The following RPN2 variants were observed in gnomAD, a reference collection of about 807,000 sequenced individuals.
RPN2 encodes the protein dolichyl-diphosphooligosaccharide--protein glycosyltransferase subunit 2.
A neutral mutation model predicts 71.4 loss-of-function variants in RPN2; 29 were observed. That is an observed-to-expected ratio of 0.41 (90% CI 0.30 to 0.55). The LOEUF (loss-of-function observed/expected upper bound fraction) is 0.55. Ranked by LOEUF, RPN2 falls within the 20% of genes least tolerant of loss-of-function variation. The probability of loss-of-function intolerance (pLI) is 0.35; values close to 1 mark genes in which losing one functional copy is unlikely to be tolerated. For synonymous variants in RPN2, 308 were observed against 305.0 expected (o/e 1.01, Z -0.10); for missense variants, 726 against 774.1 (o/e 0.94, Z 0.74).
intron 4 of RPN2, chr20:37,200,471 A>G (rs1381548550): frequency 1.9e-6 from 1 of 533,128 alleles, no homozygotes; most frequent in Admixed American, 1.9e-5. Context: ...CCGTTCTGGA[A>G]TCCCGTTCGT....
chr20:37,181,681 A>C (rs1360489990), intron 1 of RPN2, among the ~76,000 whole-genome samples: 9 of 152,086 alleles, frequency 5.9e-5, no homozygotes, highest in Admixed American at 5.9e-4. Flanking sequence ...GGCCTCCCAA[A>C]GTGCTGGGGT....
intron 4 of RPN2, among the ~76,000 whole-genome samples, chr20:37,201,281 CT>C (rs373838278): frequency 7.2e-4 from 76 of 105,092 alleles, no homozygotes; most frequent in Admixed American, 8.1e-4. Flanking sequence ...AGGTCATAAG[CT>C]TTTTTTTTTT....
At chr20:37,228,292 A>G (rs2068132034) in intron 11 of RPN2, among the ~76,000 whole-genome samples, 1 of 152,230 alleles carries the variant, frequency 6.6e-6, no homozygotes, top group Non-Finnish European at 1.5e-5. Context: ...CAAACTGGGC[A>G]GTCAGCCTCC....
chr20:37,189,829 T>C (rs543128063), intron 2 of RPN2, among the ~76,000 whole-genome samples: 27 of 152,214 alleles, frequency 1.8e-4, no homozygotes, highest in East Asian at 1.9e-4. Flanking sequence ...CGTTCTTACA[T>C]TGAAAAGGTT....
chr20:37,238,800 A>G (rs1402231039), intron 16 of RPN2: 2 of 559,214 alleles, frequency 3.6e-6, no homozygotes, highest in East Asian at 9.2e-5. Flanking sequence ...GGATAAGACA[A>G]ATCCAAAATT....
chr20:37,232,196 C>G (rs2068266068), intron 13 of RPN2, 100 bp from the exon 14 acceptor site: 1 of 1,450,648 alleles, frequency 6.9e-7, no homozygotes, highest in Non-Finnish European at 9.7e-7. Context: ...GGCGGCATAT[C>G]CTCTTCATGA....
At chr20:37,224,137 G>T (rs544880323) in intron 10 of RPN2, among the ~76,000 whole-genome samples, 168 bp downstream of exon 10, 2 of 152,298 alleles carry the variant, frequency 1.3e-5, no homozygotes, top group South Asian at 4.1e-4. Flanking sequence ...GGGATTCTGC[G>T]AATTATCTAA....
At chr20:37,206,731 CAG>C (rs1432980125) in intron 6 of RPN2, among the ~76,000 whole-genome samples, 10 of 151,858 alleles carry the variant, frequency 6.6e-5, no homozygotes, top group Admixed American at 1.3e-4. Flanking sequence ...TTTTTTCAGA[CAG>C]AGTCTTTCTC....
At chr20:37,211,917 C>T (rs1302454199) in intron 8 of RPN2, among the ~76,000 whole-genome samples, 1 of 151,296 alleles carries the variant, frequency 6.6e-6, no homozygotes. Flanking sequence ...TTCGTATTTT[C>T]GGTAGAGATG....
At chr20:37,200,018 G>C (rs1002918843) in intron 4 of RPN2, among the ~76,000 whole-genome samples, 1 of 149,626 alleles carries the variant, frequency 6.7e-6, no homozygotes, top group Non-Finnish European at 1.5e-5. Context: ...TTTTTGAGAC[G>C]TGGTCTTACT....
chr20:37,208,491 C>T (rs1482634849), intron 7 of RPN2, among the ~76,000 whole-genome samples: 1 of 152,090 alleles, frequency 6.6e-6, no homozygotes, highest in Admixed American at 6.6e-5. Flanking sequence ...CCCACTGCAG[C>T]GTAGGCTTCC....
chr20:37,203,361 CTTTTTTTTTTT>C (rs11348988), intron 4 of RPN2, among the ~76,000 whole-genome samples: 117 of 137,982 alleles, frequency 8.5e-4, no homozygotes, highest in Middle Eastern at 3.8e-3. Context: ...TTGCTTCAAT[CTTTTTTTTTTT>C]TTTTTTTTTT....
chr20:37,191,490 G>A (rs1050728125), intron 2 of RPN2, among the ~76,000 whole-genome samples: 1 of 151,836 alleles, frequency 6.6e-6, no homozygotes, highest in African/African-American at 2.4e-5. Context: ...AAAAAGGCCA[G>A]GCGCGGTGGC....
At chr20:37,203,719 C>T (rs529636090) in intron 4 of RPN2, among the ~76,000 whole-genome samples, 166 bp from the exon 5 acceptor site, 13 of 152,336 alleles carry the variant, frequency 8.5e-5, no homozygotes, top group African/African-American at 2.4e-4. Flanking sequence ...CAGGTTTTGT[C>T]ACATCTGTCC....
At chr20:37,233,212 A>T (rs1181523342) in intron 14 of RPN2, among the ~76,000 whole-genome samples, 1 of 152,176 alleles carries the variant, frequency 6.6e-6, no homozygotes, top group Non-Finnish European at 1.5e-5. Flanking sequence ...CCCTGTCTAA[A>T]AAAAAAATAA....
chr20:37,218,450 A>G (rs753064036), intron 9 of RPN2, among the ~76,000 whole-genome samples: 1 of 150,880 alleles, frequency 6.6e-6, no homozygotes, highest in East Asian at 2.0e-4. Flanking sequence ...GCTCACACCT[A>G]TAATCCCAGC....
chr20:37,212,561 A>G (rs2067700501), intron 8 of RPN2, among the ~76,000 whole-genome samples: 1 of 151,706 alleles, frequency 6.6e-6, no homozygotes. Flanking sequence ...GTTCACTGCA[A>G]CTTCTGCTTC....
intron 16 of RPN2, chr20:37,238,340 C>T (rs1352206774): frequency 7.7e-6 from 10 of 1,299,316 alleles, no homozygotes; most frequent in African/African-American, 2.9e-5. Context: ...TCATTTCTTT[C>T]CTCAGCTGAT....
chr20:37,191,096 C>T (rs918694759), intron 2 of RPN2, among the ~76,000 whole-genome samples: 4 of 152,144 alleles, frequency 2.6e-5, no homozygotes, highest in Non-Finnish European at 4.4e-5. Context: ...GAGGTTTTAG[C>T]AGCAAAACTG....
Sources: gnomAD v4.1 joint callset for allele counts (sites outside exome capture counted in the v4.1 genomes callset) on GRCh38, gnomAD v4.1.1 for gene constraint, MANE v1.5 for transcripts, NCBI Gene and HGNC (gene_info 2026-07-23, HGNC 2026-07-21) for gene names.